The following ENPP6 variants were observed in gnomAD, a reference collection of about 807,000 sequenced individuals.
The protein encoded by ENPP6 is ectonucleotide pyrophosphatase/phosphodiesterase 6, also known as glycerophosphocholine cholinephosphodiesterase ENPP6.
ENPP6 carries 32 observed loss-of-function variants against 42.0 expected under a neutral mutation model. The ratio of observed to expected loss-of-function variants is 0.76; its 90% CI spans 0.58 to 1.02. The LOEUF (loss-of-function observed/expected upper bound fraction) is 1.02. Among genes scored for constraint, ENPP6 ranks in the 50% least tolerant of loss-of-function variants. The pLI, the probability that ENPP6 is intolerant of heterozygous loss-of-function variation, is 0.00. For synonymous variants in ENPP6, 213 were observed against 216.0 expected, an observed-to-expected ratio of 0.99 and a Z score of 0.12; for missense variants, 552 against 566.8, an observed-to-expected ratio of 0.97 and a Z score of 0.27.
At chr4:184,204,503 G>C (rs1372393860) in intron 1 of ENPP6, among the ~76,000 whole-genome samples, 1 of 152,174 alleles carries the variant, frequency 6.6e-6, no homozygotes, top group Non-Finnish European at 1.5e-5. Flanking sequence ...TCTGAATCAT[G>C]TGCCTGGTTC....
intron 1 of ENPP6, among the ~76,000 whole-genome samples, chr4:184,200,796 C>T (rs1182200956): frequency 6.6e-6 from 1 of 152,220 alleles, no homozygotes; most frequent in East Asian, 1.9e-4. Context: ...ACCTGGCCTC[C>T]TGGCACACCT....
intron 1 of ENPP6, among the ~76,000 whole-genome samples, chr4:184,194,133 A>T (rs1456273791): frequency 6.6e-6 from 1 of 151,866 alleles, no homozygotes; most frequent in Non-Finnish European, 1.5e-5. Flanking sequence ...TCCCTCATCT[A>T]CTCAGATGAT....
intron 1 of ENPP6, among the ~76,000 whole-genome samples, chr4:184,193,724 T>G (rs1383016704): frequency 1.3e-5 from 2 of 152,162 alleles, no homozygotes; most frequent in African/African-American, 2.4e-5. Flanking sequence ...CATATGGAAA[T>G]TAGGTTACAT....
rs754551255 is a variant in ENPP6, at chr4:184,097,306, T to C, written c.1056A>G (p.Gly352=). 1.8e-5 allele frequency: 29 copies of C among 1,614,184 alleles called. No individual in the cohort carries two copies. In the South Asian group the frequency reaches 3.2e-4, roughly 18 times the overall value. The change falls in exon 7 of 8, where the codon GGA becomes GGG. Residue 352 remains glycine, a synonymous_variant. Coordinates refer to ENST00000296741, the MANE Select transcript of ENPP6 (RefSeq NM_153343.4). ...STGRREGWQR[G]WHGYDNELMD... ...TGAGCTCGTTGTCGTAGCCGTGCCA[T>C]CCACGCTGCCAACCTTCCCGCCTGC...
intron 1 of ENPP6, among the ~76,000 whole-genome samples, chr4:184,209,316 G>T (rs1432144558): frequency 6.8e-6 from 1 of 147,524 alleles, no homozygotes; most frequent in African/African-American, 2.5e-5. Flanking sequence ...CAAACCAAAG[G>T]CAAAGAAGTT....
intron 1 of ENPP6, among the ~76,000 whole-genome samples, chr4:184,194,128 C>T (rs557678067): frequency 6.6e-6 from 1 of 152,208 alleles, no homozygotes; most frequent in Non-Finnish European, 1.5e-5. Context: ...CATGGTCCCT[C>T]ATCTACTCAG....
intron 2 of ENPP6, among the ~76,000 whole-genome samples, chr4:184,131,712 G>C (rs1048928147): frequency 1.3e-5 from 2 of 150,792 alleles, no homozygotes; most frequent in Non-Finnish European, 2.9e-5. Flanking sequence ...ATCAACACTT[G>C]GATTTGTTGG....
intron 1 of ENPP6, among the ~76,000 whole-genome samples, chr4:184,204,406 C>T (rs564024274): frequency 9.2e-5 from 14 of 152,340 alleles, no homozygotes; most frequent in Non-Finnish European, 1.3e-4. Flanking sequence ...GTGCAAGTCC[C>T]TTTAAGCTGC....
intron 6 of ENPP6, among the ~76,000 whole-genome samples, chr4:184,110,731 T>C (rs1272721839): frequency 2.6e-5 from 4 of 152,230 alleles, no homozygotes; most frequent in African/African-American, 9.6e-5. Flanking sequence ...CATGATATAA[T>C]TGAGTTGCTG....
rs764988271 is a variant in ENPP6 at position 184,124,191 on chromosome 4, T to G, written c.503A>C (p.Asn168Thr). The G allele has an allele frequency of 1.2e-6, 2 of 1,614,018 alleles. No individual in the cohort carries two copies. The highest frequency in any genetic ancestry group is 3.3e-5 in the Admixed American group (2 of 60,026). ...KNVPTDINFA[N>T]AVSDALDSFK... The stretch of plus-strand genomic sequence containing the variant: ...GGAGTCAAGAGCATCGCTGACTGCA[T>G]TGGCAAAATTGATATCCGTTGGGAC... Residue 168 changes from asparagine (N) to threonine (T), a missense_variant, in exon 3 of 8, where the codon AAT becomes ACT. Transcript: ENST00000296741.
chr4:184,098,425 CCAGAAG>C, intron 6 of ENPP6, among the ~76,000 whole-genome samples: 1 of 152,296 alleles, frequency 6.6e-6, no homozygotes, highest in East Asian at 1.9e-4. Flanking sequence ...GCAGCCGGAC[CCAGAAG>C]GGTCTCCTCA....
chr4:184,156,809 TACTC>T (rs1431610744), intron 1 of ENPP6, among the ~76,000 whole-genome samples: 1 of 152,246 alleles, frequency 6.6e-6, no homozygotes, highest in Non-Finnish European at 1.5e-5. Context: ...CACAGAGTCT[TACTC>T]AAGCATGTTC....
At chr4:184,146,402 C>T (rs965844609) in intron 2 of ENPP6, among the ~76,000 whole-genome samples, 2 of 150,282 alleles carry the variant, frequency 1.3e-5, no homozygotes, top group Non-Finnish European at 3.0e-5. Flanking sequence ...TGCACTCCAG[C>T]CTGGGCTCCA....
chr4:184,115,302 T>C (rs1736294239), intron 5 of ENPP6, among the ~76,000 whole-genome samples: 1 of 152,088 alleles, frequency 6.6e-6, no homozygotes, highest in African/African-American at 2.4e-5. Flanking sequence ...CCAGATCAGT[T>C]TCATCTGGGA....
At chr4:184,134,570 T>C (rs1736699991) in intron 2 of ENPP6, among the ~76,000 whole-genome samples, 1 of 152,154 alleles carries the variant, frequency 6.6e-6, no homozygotes, top group Admixed American at 6.5e-5. Flanking sequence ...AGGTTCTCTG[T>C]TGATGTCCCT....
intron 3 of ENPP6, among the ~76,000 whole-genome samples, chr4:184,120,696 T>G (rs1229078265): frequency 6.6e-6 from 1 of 152,310 alleles, no homozygotes; most frequent in African/African-American, 2.4e-5. Flanking sequence ...GGGCCGTGTG[T>G]GGGGGGCACT....
intron 5 of ENPP6, among the ~76,000 whole-genome samples, chr4:184,115,669 G>A (rs1428546185): frequency 6.6e-6 from 1 of 152,162 alleles, no homozygotes; most frequent in South Asian, 2.1e-4. Context: ...CCATGCTCAC[G>A]TACAGGGAGG....
At chr4:184,149,054 GT>G (rs1378944241) in intron 2 of ENPP6, among the ~76,000 whole-genome samples, 2 of 152,156 alleles carry the variant, frequency 1.3e-5, no homozygotes, top group African/African-American at 4.8e-5. Flanking sequence ...AAACCACAAA[GT>G]CTAATGCCAA....
chr4:184,131,219 T>TCC (rs879941728), intron 2 of ENPP6, among the ~76,000 whole-genome samples: 2,060 of 82,328 alleles, frequency 0.025, 175 homozygotes, highest in Middle Eastern at 0.037. Flanking sequence ...TTTCTTTCTT[T>TCC]TTCTTTCTTT....
Sources: gnomAD v4.1 joint callset for allele counts (sites outside exome capture counted in the v4.1 genomes callset) on GRCh38, gnomAD v4.1.1 for gene constraint, MANE v1.5 for transcripts, NCBI Gene and HGNC (gene_info 2026-07-23, HGNC 2026-07-21) for gene names.